AHNAK: variants seen among roughly 807,000 people sequenced by gnomAD.
AHNAK encodes the protein AHNAK nucleoprotein, also known as neuroblast differentiation-associated protein AHNAK.
AHNAK carries 23 observed loss-of-function variants against 37.8 expected under a neutral mutation model. That is an observed-to-expected ratio of 0.61 (90% CI 0.44 to 0.86). AHNAK has a LOEUF of 0.86. Ranked by LOEUF, AHNAK falls within the 40% of genes least tolerant of loss-of-function variation. The pLI is 0.00. For synonymous variants in AHNAK, 2,481 were observed against 2,636.3 expected (o/e 0.94, Z 1.80); for missense variants, 7,411 against 7,319.4 (o/e 1.01, Z -0.46).
downstream of AHNAK, among the ~76,000 whole-genome samples, chr11:62,515,336 T>C (rs1219039451): frequency 1.3e-5 from 2 of 152,172 alleles, no homozygotes; most frequent in Non-Finnish European, 2.9e-5. Flanking sequence ...CTGGCCAACA[T>C]GGTGAAACTT....
rs748294385 is a variant in AHNAK, at chr11:62,532,195, T to A, written c.2222A>T (p.His741Leu). Residue 741 changes from histidine (H) to leucine (L), a missense_variant, in exon 5 of 5, where the codon CAT (histidine) becomes CTT (leucine). Transcript: ENST00000378024. ...CATCTTCAAGTGCCAGTCTGGGCCA[T>A]GAACATCCACATCTGGGGCATCAAT... Reference protein sequence around the residue: ...VDIDAPDVDVHGPDWHLKMPK... With the variant: ...VDIDAPDVDVLGPDWHLKMPK... 6.2e-7 allele frequency: 1 copy of A among 1,614,194 alleles called. No individual in the cohort carries two copies. The highest frequency in any genetic ancestry group is 2.2e-5 in the East Asian group (1 of 44,888).
rs567336384 is a variant in AHNAK at position 62,478,485 on chromosome 11, C to A, written c.442+13247G>T. Reference sequence around the variant, plus strand: ...CGGTGGCTCACTCCTGCAATCCCAGCAGTTTGGGAGGCCAAGGTTGGGGCT... The same window carrying A: ...CGGTGGCTCACTCCTGCAATCCCAGAAGTTTGGGAGGCCAAGGTTGGGGCT... On this transcript the variant is annotated intron_variant, in intron 5 of 5. Coordinates refer to the AHNAK transcript ENST00000257247. Among the ~76,000 whole-genome samples the A allele has an allele frequency of 2.6e-5, 4 of 152,260 alleles. No individual in the cohort carries two copies. The South Asian group carries it at 6.2e-4, about 24-fold the overall frequency.
chr11:62,468,111 G>C (rs1210717692), intron 5 of AHNAK, among the ~76,000 whole-genome samples: 1 of 152,110 alleles, frequency 6.6e-6, no homozygotes, highest in Non-Finnish European at 1.5e-5. Flanking sequence ...ACTTTGGGAG[G>C]CCGAAATGGG....
At chr11:62,438,439 C>T (rs904117022) in intron 5 of AHNAK, among the ~76,000 whole-genome samples, 61 of 152,256 alleles carry the variant, frequency 4.0e-4, no homozygotes, top group African/African-American at 1.5e-3. Context: ...CTCGGCCTCC[C>T]ACAGTGCTGA....
downstream of AHNAK, among the ~76,000 whole-genome samples, chr11:62,511,995 C>A (rs751086802): frequency 1.3e-5 from 2 of 152,050 alleles, no homozygotes; most frequent in Admixed American, 6.6e-5. Flanking sequence ...ATTACAGGTG[C>A]GCACCACCAC....
intron 5 of AHNAK, among the ~76,000 whole-genome samples, chr11:62,467,578 G>A (rs1022192218): frequency 4.6e-5 from 7 of 152,178 alleles, no homozygotes; most frequent in African/African-American, 7.2e-5. Flanking sequence ...CCCGCTACTC[G>A]GGAGACTGAG....
rs201596803 is a variant in AHNAK at position 62,528,249 on chromosome 11, G to A, written c.6168C>T (p.Phe2056=). The A allele has an allele frequency of 1.1e-4, 174 of 1,613,956 alleles. No homozygotes were observed. The highest frequency in any genetic ancestry group is 1.4e-4 in the Non-Finnish European group (160 of 1,180,024). ...CCTCTGCTTTGAAGCCAGGCATGCT[G>A]AACTTGGGCATTTTCATCTTGGGCA... ...LKMPKMKMPK[F]SMPGFKAEGP... The change falls in exon 5 of 5, where the codon TTC becomes TTT. Residue 2056 remains phenylalanine, a synonymous_variant. Transcript: ENST00000378024.
chr11:62,522,703 G>T lies in AHNAK; in HGVS notation c.11714C>A (p.Pro3905His), dbSNP rs140572917. The change falls in exon 5 of 5, where the codon CCT becomes CAT. Residue 3905 changes from proline (P) to histidine (H), a missense_variant. Pro to His is a moderately conservative substitution (Grantham distance 77, BLOSUM62 -2). Coordinates refer to ENST00000378024, the MANE Select transcript of AHNAK (RefSeq NM_001620.3). The stretch of plus-strand genomic sequence containing the variant: ...TTTGGGGCCTTTAATATCCAAGTCA[G>T]GAACTTGCATGTCACCTTCCACTTT... ...LPKVEGDMQV[P>H]DLDIKGPKVD... The T allele has an allele frequency of 4.4e-5, 71 of 1,613,002 alleles. No individual in the cohort carries two copies. Among genetic ancestry groups the T allele is most frequent in the Non-Finnish European group, 5.8e-5 (68 of 1,179,882 alleles).
At chr11:62,543,301 G>A (rs1056543015) in intron 1 of AHNAK, among the ~76,000 whole-genome samples, 1 of 152,138 alleles carries the variant, frequency 6.6e-6, no homozygotes, top group Non-Finnish European at 1.5e-5. Context: ...TCCACCACCA[G>A]AGCAGAATGC....
In AHNAK at chr11:62,525,363, C is replaced by A. The variant is rs1940437053; in HGVS notation, c.9054G>T (p.Trp3018Cys). 6.2e-7 allele frequency: 1 copy of A among 1,613,050 alleles called. No individual in the cohort carries two copies. Among genetic ancestry groups the A allele is most frequent in the South Asian group, 1.1e-5 (1 of 91,008 alleles). The stretch of plus-strand genomic sequence containing the variant: ...TTTTCACTTTGGGCATTTTTAGGTG[C>A]CAGTCTGGGCCTTGAACGCCCACAT... ...VPDVGVQGPD[W>C]HLKMPKVKMP... is the part of the protein sequence containing the mutation. Residue 3018 changes from tryptophan to cysteine, a missense_variant, in exon 5 of 5, where the codon TGG (tryptophan) becomes TGT (cysteine). Coordinates refer to ENST00000378024, the MANE Select transcript of AHNAK (RefSeq NM_001620.3).
intron 5 of AHNAK, among the ~76,000 whole-genome samples, chr11:62,453,462 T>C (rs1385722020): frequency 6.6e-6 from 1 of 152,110 alleles, no homozygotes; most frequent in Non-Finnish European, 1.5e-5. Context: ...GTCAGGAACA[T>C]GACAACTCAG....
intron 5 of AHNAK, among the ~76,000 whole-genome samples, chr11:62,458,006 C>A (rs148731973): frequency 2.6e-5 from 4 of 151,610 alleles, no homozygotes; most frequent in Non-Finnish European, 5.9e-5. Flanking sequence ...CTCCACCTCC[C>A]GGTTTCCAGC....
At chr11:62,433,983 G>T in intron 5 of AHNAK, 1 of 1,531,250 alleles carries the variant, frequency 6.5e-7, no homozygotes, top group Non-Finnish European at 8.9e-7. Flanking sequence ...TGCACCAACT[G>T]AAAGAAGGTC....
In AHNAK at chr11:62,533,755, G is replaced by A. The variant is rs1940851929; in HGVS notation, c.662C>T (p.Ala221Val). Residue 221 changes from alanine (A) to valine (V), a missense_variant, in exon 5 of 5, where the codon GCT becomes GTT. Transcript: ENST00000378024. The stretch of plus-strand genomic sequence containing the variant: ...AATGGCCCCTGCTCGGATATCCACA[G>A]CAGAGCCTGTCGGAGAGGCTGCCCC... ...GSGAASPTGS[A>V]VDIRAGAISA... 6.2e-7 allele frequency: 1 copy of A among 1,614,056 alleles called. No homozygotes were observed. The highest frequency in any genetic ancestry group is 8.5e-7 in the Non-Finnish European group (1 of 1,180,054).
chr11:62,493,332 C>CTTT (rs538984724), intron 4 of AHNAK, among the ~76,000 whole-genome samples: 4 of 122,916 alleles, frequency 3.3e-5, no homozygotes, highest in Non-Finnish European at 7.1e-5. Flanking sequence ...TTCTTTCTTT[C>CTTT]TTTTTTTTTT....
At position 62,519,258 on chromosome 11, in the gene AHNAK, G is replaced by A. The variant is rs1940141645; in HGVS notation, c.15159C>T (p.Ala5053=). The change falls in exon 5 of 5, where the codon GCC becomes GCT. Residue 5053 remains alanine (A), a synonymous_variant. Transcript: ENST00000378024. ...CATCTACATCCGGAGCCTTGAGGCT[G>A]GCATCAATTTCACCCCCAGGAACAT... ...DLNVPGGEID[A]SLKAPDVDVN... is the part of the protein sequence containing the mutation. The A allele has an allele frequency of 6.2e-7, 1 of 1,614,130 alleles. No individual in the cohort carries two copies. The highest frequency in any genetic ancestry group is 1.7e-5 in the Admixed American group (1 of 60,018).
At chr11:62,515,494 G>A (rs1939992548), downstream of AHNAK, among the ~76,000 whole-genome samples, 3 of 152,260 alleles carry the variant, frequency 2.0e-5, no homozygotes, top group South Asian at 6.2e-4. Flanking sequence ...TCCAGCCTGG[G>A]CAACAGCGGT....
rs745328117 is a variant in AHNAK, at chr11:62,525,742, A to T, written c.8675T>A (p.Leu2892Gln). ...GGGCATTTTCATCTTGGGCATCTTC[A>T]GGTGCCAGTCTGGACCCTGAACATT... ...DVNVQGPDWH[L>Q]KMPKMKMPKF... Residue 2892 changes from leucine to glutamine, a missense_variant, in exon 5 of 5, where the codon CTG (leucine) becomes CAG (glutamine). By Grantham distance (113) the Leu-to-Gln change is moderately radical. Transcript: ENST00000378024. The T allele has an allele frequency of 6.2e-7, 1 of 1,613,352 alleles. No individual in the cohort carries two copies. The highest frequency in any genetic ancestry group is 1.1e-5 in the South Asian group (1 of 91,044).
rs761207153 is a variant in AHNAK at position 62,517,523 on chromosome 11, G to A, written c.16894C>T (p.Gln5632Ter). 1 of 1,614,132 alleles carries A rather than the reference G, an allele frequency of 6.2e-7. No individual in the cohort carries two copies. Among genetic ancestry groups the A allele is most frequent in the Middle Eastern group, 1.6e-4 (1 of 6,062 alleles). ...PKVEGGVKGG[Q>*]IGLQAPGLSV... Reference sequence around the variant, plus strand: ...AGCCCAGGAGCCTGGAGTCCAATCTGACCTCCTTTCACACCTCCTTCCACC... The same window carrying A: ...AGCCCAGGAGCCTGGAGTCCAATCTAACCTCCTTTCACACCTCCTTCCACC... Residue 5632 changes from glutamine to a stop codon, truncating the protein, a stop_gained, in exon 5 of 5, where the codon CAG becomes TAG. Transcript: ENST00000378024. LOFTEE classifies it high-confidence loss of function.
Sources: gnomAD v4.1 joint callset for allele counts (sites outside exome capture counted in the v4.1 genomes callset) on GRCh38, gnomAD v4.1.1 for gene constraint, MANE v1.5 for transcripts, NCBI Gene and HGNC (gene_info 2026-07-23, HGNC 2026-07-21) for gene names.